The following SNTG1 variants were observed in gnomAD, a reference collection of about 807,000 sequenced individuals.
The protein encoded by SNTG1 is syntrophin gamma 1, also known as gamma-1-syntrophin.
A neutral mutation model predicts 74.7 loss-of-function variants in SNTG1; 39 were observed. The observed-to-expected ratio is 0.52, with a 90% CI of 0.40 to 0.68. SNTG1 has a LOEUF of 0.68. SNTG1 is among the 30% of genes least tolerant of loss of function. SNTG1 has a pLI of 0.00. For synonymous variants in SNTG1, 254 were observed against 217.1 expected (o/e 1.17, Z -1.49); for missense variants, 685 against 609.5 (o/e 1.12, Z -1.30).
At chr8:50,543,353 C>A (rs930544008) in intron 11 of SNTG1, among the ~76,000 whole-genome samples, 5 of 152,072 alleles carry the variant, frequency 3.3e-5, no homozygotes, top group Admixed American at 2.0e-4. Context: ...TCCAAAGTTG[C>A]CACCTTTGTT....
At chr8:50,508,481 C>T (rs1444893513) in intron 9 of SNTG1, among the ~76,000 whole-genome samples, 2 of 152,142 alleles carry the variant, frequency 1.3e-5, no homozygotes, top group Non-Finnish European at 2.9e-5. Flanking sequence ...TTCTAGATCC[C>T]TGAGGAATCG....
chr8:50,377,467 G>T (rs2092408404), intron 2 of SNTG1, among the ~76,000 whole-genome samples: 1 of 151,366 alleles, frequency 6.6e-6, no homozygotes. Flanking sequence ...CATCTCATTT[G>T]TTTTTTTTCT....
intron 1 of SNTG1, among the ~76,000 whole-genome samples, chr8:50,012,223 G>A (rs1192920621): frequency 6.6e-6 from 1 of 152,090 alleles, no homozygotes; most frequent in Non-Finnish European, 1.5e-5. Flanking sequence ...GACGTTGCCT[G>A]CATCTTCTTT....
chr8:50,148,726 G>T (rs893331081), intron 1 of SNTG1, among the ~76,000 whole-genome samples: 15 of 152,168 alleles, frequency 9.9e-5, no homozygotes, highest in African/African-American at 3.1e-4. Flanking sequence ...CAAAGGACAT[G>T]AACTCATCAT....
chr8:50,378,875 C>T (rs185396365), intron 2 of SNTG1, among the ~76,000 whole-genome samples: 3 of 152,152 alleles, frequency 2.0e-5, no homozygotes, highest in African/African-American at 7.2e-5. Flanking sequence ...GTGATTAGTC[C>T]ATGGGAGCCA....
At chr8:50,351,507 T>G (rs896843176) in intron 2 of SNTG1, among the ~76,000 whole-genome samples, 3 of 152,232 alleles carry the variant, frequency 2.0e-5, no homozygotes, top group African/African-American at 7.2e-5. Context: ...ATTTTTGCTT[T>G]TGATCATGTA....
intron 8 of SNTG1, among the ~76,000 whole-genome samples, chr8:50,451,130 A>G (rs1270557244): frequency 2.0e-5 from 3 of 152,192 alleles, no homozygotes; most frequent in Non-Finnish European, 4.4e-5. Context: ...GGGATTTCAC[A>G]TCGGCAGATT....
chr8:50,379,483 G>A (rs1235112644), intron 2 of SNTG1, among the ~76,000 whole-genome samples: 1 of 152,108 alleles, frequency 6.6e-6, no homozygotes, highest in Non-Finnish European at 1.5e-5. Flanking sequence ...TGGATCCACA[G>A]CTATGCATTG....
At chr8:50,155,601 G>C (rs1049408307) in intron 1 of SNTG1, among the ~76,000 whole-genome samples, 3 of 151,828 alleles carry the variant, frequency 2.0e-5, no homozygotes, top group African/African-American at 7.2e-5. Context: ...CTATGCACAG[G>C]AAACCACAAA....
At chr8:49,938,608 TTTCTTTCTTTCTTTC>T (rs1376526585) in intron 1 of SNTG1, among the ~76,000 whole-genome samples, 7 of 51,618 alleles carry the variant, frequency 1.4e-4, no homozygotes, top group African/African-American at 3.8e-4. Context: ...TTTTCTTTTC[TTTCTTTCTTTCTTTC>T]TTTCTTTCTT....
chr8:50,275,057 G>T (rs1037059538), intron 2 of SNTG1, among the ~76,000 whole-genome samples: 2 of 151,812 alleles, frequency 1.3e-5, no homozygotes, highest in African/African-American at 4.8e-5. Flanking sequence ...TCTGGTTTTG[G>T]CATTACGGTA....
intron 2 of SNTG1, among the ~76,000 whole-genome samples, chr8:50,344,462 A>T (rs1228385681): frequency 6.6e-6 from 1 of 152,120 alleles, no homozygotes; most frequent in East Asian, 1.9e-4. Context: ...CACACACTCC[A>T]TCCAGTTTCA....
At chr8:50,051,216 A>T (rs1267005015) in intron 1 of SNTG1, among the ~76,000 whole-genome samples, 1 of 148,052 alleles carries the variant, frequency 6.8e-6, no homozygotes, top group African/African-American at 2.5e-5. Flanking sequence ...ACCAGAGGAC[A>T]TTATCTTTAG....
At chr8:50,442,109 G>T (rs576972562) in intron 5 of SNTG1, among the ~76,000 whole-genome samples, 1 of 152,144 alleles carries the variant, frequency 6.6e-6, no homozygotes, top group East Asian at 1.9e-4. Context: ...TGACACTCTC[G>T]CATCCCCATC....
At chr8:50,647,550 C>A (rs549353268) in intron 13 of SNTG1, among the ~76,000 whole-genome samples, 52 of 152,104 alleles carry the variant, frequency 3.4e-4, no homozygotes, top group African/African-American at 1.2e-3. Flanking sequence ...CAAGTTAGGG[C>A]AAGAGGTAGA....
chr8:50,752,154 A>G, intron 18 of SNTG1, 43 bp downstream of exon 18: 1 of 1,100,550 alleles, frequency 9.1e-7, no homozygotes, highest in Non-Finnish European at 1.3e-6. Context: ...TAACTACATT[A>G]ATGCCATTAA....
intron 17 of SNTG1, among the ~76,000 whole-genome samples, chr8:50,718,499 C>T (rs2095480085): frequency 6.6e-6 from 1 of 152,138 alleles, no homozygotes; most frequent in Non-Finnish European, 1.5e-5. Context: ...GGCTGCAGTT[C>T]GGATGGTTCT....
intron 2 of SNTG1, among the ~76,000 whole-genome samples, chr8:50,391,698 T>C (rs1197655475): frequency 6.6e-6 from 1 of 152,180 alleles, no homozygotes; most frequent in Non-Finnish European, 1.5e-5. Flanking sequence ...ATCCATCTGC[T>C]CCTGGATTTT....
chr8:50,101,874 C>A (rs1020970146), intron 1 of SNTG1, among the ~76,000 whole-genome samples: 2 of 152,142 alleles, frequency 1.3e-5, no homozygotes, highest in African/African-American at 4.8e-5. Flanking sequence ...CATGTCCCTA[C>A]AAAGGACACG....
Sources: gnomAD v4.1 joint callset for allele counts (sites outside exome capture counted in the v4.1 genomes callset) on GRCh38, gnomAD v4.1.1 for gene constraint, MANE v1.5 for transcripts, NCBI Gene and HGNC (gene_info 2026-07-23, HGNC 2026-07-21) for gene names.